The following PDE4D variants were observed in gnomAD, a reference collection of about 807,000 sequenced individuals.
PDE4D encodes 3',5'-cyclic-AMP phosphodiesterase 4D.
Under a neutral mutation model 87.4 loss-of-function variants are expected in PDE4D, and 24 were observed. That is an observed-to-expected ratio of 0.27 (90% CI 0.20 to 0.39). The LOEUF is 0.39. PDE4D is among the 10% of genes least tolerant of loss of function. PDE4D has a pLI of 1.00. For missense variants in PDE4D, 714 were observed against 1,041.0 expected (o/e 0.69, Z 4.32); for synonymous variants, 384 against 383.2 (o/e 1.00, Z -0.02).
chr5:59,176,181 T>C (rs1783856188), intron 5 of PDE4D, among the ~76,000 whole-genome samples: 1 of 152,166 alleles, frequency 6.6e-6, no homozygotes, highest in African/African-American at 2.4e-5. Flanking sequence ...GACCTGTATG[T>C]TTACCTACTA....
At chr5:59,952,166 C>T (rs748911717) in intron 3 of PDE4D, among the ~76,000 whole-genome samples, 17 of 152,238 alleles carry the variant, frequency 1.1e-4, no homozygotes, top group Non-Finnish European at 2.2e-4. Context: ...TTTTTCCTCT[C>T]ACCTGCCACC....
At chr5:59,899,520 T>TA (rs1163214539) in intron 3 of PDE4D, among the ~76,000 whole-genome samples, 1 of 151,946 alleles carries the variant, frequency 6.6e-6, no homozygotes, top group Non-Finnish European at 1.5e-5. Context: ...AATATATATA[T>TA]ATAGATGCTT....
At position 59,907,147 on chromosome 5, in the gene PDE4D, T is replaced by C. The variant is rs1752923513; in HGVS notation, c.272+81341A>G. On this transcript the variant is annotated intron_variant, in intron 3 of 16. Transcript: ENST00000502484. ...GCAGGAACAGAAAACCGAATACTGG[T>C]CCCTTTTCTCCTAAATCTTGCCAGC... Among the ~76,000 whole-genome samples the C allele has an allele frequency of 2.0e-5, 3 of 152,256 alleles. No homozygotes were observed. In the South Asian group the frequency reaches 6.2e-4, roughly 32 times the overall value.
chr5:59,896,161 T>A (rs1409470947), upstream of PDE4D, among the ~76,000 whole-genome samples: 1 of 152,198 alleles, frequency 6.6e-6, no homozygotes, highest in African/African-American at 2.4e-5. Flanking sequence ...GTCTCCCATA[T>A]GCAAAGTAGT....
intron 1 of PDE4D, among the ~76,000 whole-genome samples, chr5:60,324,183 C>T (rs1369065958): frequency 6.6e-6 from 1 of 152,124 alleles, no homozygotes; most frequent in African/African-American, 2.4e-5. Flanking sequence ...GGTGAATGAA[C>T]AAATGAATAA....
chr5:59,881,077 G>T (rs1476217438), intron 1 of PDE4D, among the ~76,000 whole-genome samples: 1 of 152,056 alleles, frequency 6.6e-6, no homozygotes, highest in Non-Finnish European at 1.5e-5. Context: ...TTCTTCTTAT[G>T]AATGTTAAGG....
In PDE4D at chr5:60,380,428, C is replaced by T. The variant is rs192912455; in HGVS notation, c.-90+107514G>A. Among the ~76,000 whole-genome samples, 354 of 152,302 alleles carry T rather than the reference C, an allele frequency of 2.3e-3. 2 individuals are homozygous for T. The highest frequency in any genetic ancestry group is 8.1e-3 in the African/African-American group (338 of 41,564). On this transcript the variant is annotated intron_variant, in intron 1 of 16. Transcript: ENST00000502484. ...TACTTTAGACAATAAAATGGGAATA[C>T]ATAGTATATGCACCACTTTCAAGCA...
At chr5:60,092,836 A>G (rs547672082) in intron 2 of PDE4D, among the ~76,000 whole-genome samples, 7 of 152,346 alleles carry the variant, frequency 4.6e-5, no homozygotes, top group African/African-American at 1.4e-4. Context: ...AGCAAGATTC[A>G]TAGACTTGGG....
intron 5 of PDE4D, among the ~76,000 whole-genome samples, chr5:59,144,318 T>C (rs1211010284): frequency 1.3e-5 from 2 of 152,154 alleles, no homozygotes; most frequent in Non-Finnish European, 2.9e-5. Flanking sequence ...GTTTCTAAAA[T>C]CAATCCTTGC....
At chr5:60,215,412 A>G (rs751779311) in intron 1 of PDE4D, among the ~76,000 whole-genome samples, 3 of 152,134 alleles carry the variant, frequency 2.0e-5, no homozygotes, top group Non-Finnish European at 4.4e-5. Context: ...TGCAAGATGC[A>G]TGGCCTCCAA....
At chr5:60,034,677 A>T (rs1188336274) in intron 2 of PDE4D, among the ~76,000 whole-genome samples, 1 of 152,202 alleles carries the variant, frequency 6.6e-6, no homozygotes, top group African/African-American at 2.4e-5. Context: ...TTTGAGGACC[A>T]TTATTCAGAC....
At chr5:59,081,339 T>C (rs1267048828) in intron 5 of PDE4D, among the ~76,000 whole-genome samples, 1 of 152,128 alleles carries the variant, frequency 6.6e-6, no homozygotes, top group Admixed American at 6.6e-5. Context: ...TGTTTTCTGA[T>C]ATTTAAGAAG....
chr5:59,884,505 G>T (rs1749889400), intron 1 of PDE4D, among the ~76,000 whole-genome samples: 2 of 151,802 alleles, frequency 1.3e-5, no homozygotes, highest in South Asian at 2.1e-4. Context: ...AATACATACA[G>T]ATCTCAATAC....
At chr5:59,410,590 A>G (rs1056837564) in intron 1 of PDE4D, among the ~76,000 whole-genome samples, 2 of 152,146 alleles carry the variant, frequency 1.3e-5, no homozygotes, top group Admixed American at 6.5e-5. Context: ...TAGTGAGGAC[A>G]TATGCAGTTT....
intron 2 of PDE4D, among the ~76,000 whole-genome samples, chr5:59,204,622 T>C (rs1463747579): frequency 6.6e-6 from 1 of 152,210 alleles, no homozygotes; most frequent in Admixed American, 6.5e-5. Context: ...CCAGAAGGTT[T>C]GAGTACAAAG....
chr5:60,105,860 C>T (rs182010569), intron 2 of PDE4D, among the ~76,000 whole-genome samples: 19 of 152,290 alleles, frequency 1.2e-4, no homozygotes, highest in Admixed American at 3.9e-4. Flanking sequence ...GAAGGAAGCA[C>T]TAAATATGGA....
At chr5:59,390,799 T>G (rs1260127523) in intron 1 of PDE4D, among the ~76,000 whole-genome samples, 1 of 152,028 alleles carries the variant, frequency 6.6e-6, no homozygotes, top group African/African-American at 2.4e-5. Context: ...AGTCATGCCA[T>G]CCCAAAATAA....
intron 1 of PDE4D, among the ~76,000 whole-genome samples, chr5:59,664,474 C>T (rs571936751): frequency 6.6e-5 from 10 of 152,068 alleles, no homozygotes; most frequent in Non-Finnish European, 1.5e-4. Context: ...CAGAAGTAGT[C>T]AACAGTTGAT....
At chr5:59,792,402 C>CTGTGTGTGTGTGAGTGTGTGTGTGTGTG (rs1765897171) in intron 1 of PDE4D, among the ~76,000 whole-genome samples, 1 of 138,776 alleles carries the variant, frequency 7.2e-6, no homozygotes, top group Non-Finnish European at 1.5e-5. Flanking sequence ...CTCCAAGAAG[C>CTGTGTGTGTGTGAGTGTGTGTGTGTGTG]TGTGTGTGTG....
Sources: gnomAD v4.1 joint callset for allele counts (sites outside exome capture counted in the v4.1 genomes callset) on GRCh38, gnomAD v4.1.1 for gene constraint, MANE v1.5 for transcripts, NCBI Gene and HGNC (gene_info 2026-07-23, HGNC 2026-07-21) for gene names.